Variants in COL14A1 observed in about 807,000 individuals in gnomAD.
COL14A1 encodes the protein collagen type XIV alpha 1 chain.
Under a neutral mutation model 230.3 loss-of-function variants are expected in COL14A1, and 136 were observed. The observed-to-expected ratio is 0.59, with a 90% CI of 0.51 to 0.68. The LOEUF (loss-of-function observed/expected upper bound fraction) is 0.68, where lower values mean the gene tolerates loss of function less well. Ranked by LOEUF, COL14A1 falls within the 30% of genes least tolerant of loss-of-function variation. COL14A1 has a pLI of 0.00. For synonymous variants in COL14A1, 792 were observed against 784.1 expected (o/e 1.01, Z -0.17); for missense variants, 1,976 against 2,215.8 (o/e 0.89, Z 2.17).
intron 8 of COL14A1, 141 bp from the exon 9 acceptor site, chr8:120,203,568 T>A (rs1177600018): frequency 1.7e-5 from 9 of 533,826 alleles, no homozygotes; most frequent in Non-Finnish European, 2.4e-5. Context: ...TTAAATAAAA[T>A]TTTAAATATA....
At position 120,289,723 on chromosome 8, in the gene COL14A1, G is replaced by A. The variant is rs1256418332; in HGVS notation, c.4193G>A (p.Gly1398Glu). 1 of 1,613,952 alleles carries A rather than the reference G, an allele frequency of 6.2e-7. No individual in the cohort carries two copies. The highest frequency in any genetic ancestry group is 1.7e-5 in the Admixed American group (1 of 59,964). The change falls in exon 34 of 48, where the codon GGG becomes GAG. Residue 1398 changes from glycine to glutamate, a missense_variant. By Grantham distance (98) the Gly-to-Glu change is moderately conservative. Around this residue, in one of 3 missense-constraint regions of COL14A1, gnomAD observed 1,791 missense variants for 2,019.5 expected, o/e 0.89. Coordinates refer to ENST00000297848, the MANE Select transcript of COL14A1 (RefSeq NM_021110.4). ...ACGTCAGATGGTGTAGAAGTGCTAG[G>A]GAAAATGGTTCGATCAAGAGGACCA... ...NITSDGVEVL[G>E]KMVRSRGPGG...
Position 120,310,068 on chromosome 8 carries a change from G to A in COL14A1, c.4455+6G>A, listed in dbSNP as rs752738801. The A allele has an allele frequency of 6.8e-5, 109 of 1,612,774 alleles. No homozygotes were observed. Among genetic ancestry groups the A allele is most frequent in the Non-Finnish European group, 9.1e-5 (107 of 1,179,156 alleles). ...AAGGTGAACCGGGTCCAAAGGTAAT[G>A]CGCATGTTTTCTCTCTCTCTCTGTC... On this transcript the variant is annotated splice_donor_region_variant and intron_variant, in intron 37 of 47. Transcript: ENST00000297848.
At position 120,206,927 on chromosome 8, in the gene COL14A1, TG is replaced by T. The variant is rs560044475; in HGVS notation, c.1040-15del. 878 of 1,590,500 alleles carry T rather than the reference TG, an allele frequency of 5.5e-4. 7 individuals carry two copies. The African/African-American group carries it at 9.9e-3, about 18-fold the overall frequency. On this transcript the variant is annotated splice_polypyrimidine_tract_variant and intron_variant, in intron 9 of 47. Coordinates refer to ENST00000297848, the MANE Select transcript of COL14A1 (RefSeq NM_021110.4). Reference sequence around the variant, plus strand: ...CTTTGGGTAAGAGGTTTATTTGATATGTTTTTTTAATTTAGCCTCAGCCCAT... The same window carrying T: ...CTTTGGGTAAGAGGTTTATTTGATATTTTTTTTAATTTAGCCTCAGCCCAT...
intron 46 of COL14A1, among the ~76,000 whole-genome samples, chr8:120,368,067 A>G (rs1326204586): frequency 6.6e-6 from 1 of 152,136 alleles, no homozygotes; most frequent in Admixed American, 6.5e-5. Context: ...GCAGACACAA[A>G]ATTTAGAGAA....
At chr8:120,152,074 T>C (rs1486420625) in intron 2 of COL14A1, among the ~76,000 whole-genome samples, 1 of 152,154 alleles carries the variant, frequency 6.6e-6, no homozygotes, top group Admixed American at 6.5e-5. Context: ...GATTTCAAAC[T>C]TCTGACCCCT....
intron 45 of COL14A1, among the ~76,000 whole-genome samples, chr8:120,363,096 A>G (rs1823281386): frequency 6.6e-6 from 1 of 152,144 alleles, no homozygotes; most frequent in Admixed American, 6.5e-5. Context: ...AGCCTAAGGA[A>G]TTTTGTCTGT....
intron 28 of COL14A1, 114 bp downstream of exon 28, chr8:120,278,692 T>C (rs1272176850): frequency 1.0e-5 from 11 of 1,063,972 alleles, no homozygotes; most frequent in Non-Finnish European, 1.4e-5. Flanking sequence ...TATTTCTTCA[T>C]ATTAACTAGA....
At chr8:120,238,369 T>C (rs575178669) in intron 19 of COL14A1, among the ~76,000 whole-genome samples, 42 of 152,168 alleles carry the variant, frequency 2.8e-4, no homozygotes, top group Non-Finnish European at 5.1e-4. Flanking sequence ...CGGTAGGCTC[T>C]GCCCAGTCCA....
intron 45 of COL14A1, among the ~76,000 whole-genome samples, chr8:120,350,022 A>T (rs975600111): frequency 2.1e-5 from 3 of 141,444 alleles, no homozygotes; most frequent in Non-Finnish European, 4.6e-5. Flanking sequence ...AGCCCATCAG[A>T]CTAACAGCGG....
intron 31 of COL14A1, among the ~76,000 whole-genome samples, chr8:120,282,284 T>C (rs1209830302): frequency 6.6e-6 from 1 of 152,242 alleles, no homozygotes; most frequent in Non-Finnish European, 1.5e-5. Context: ...GCAAATTAGA[T>C]GGTGTCTGTC....
rs79860445 is a variant in COL14A1, at chr8:120,368,770, G to A, written c.5156-560G>A. The stretch of plus-strand genomic sequence containing the variant: ...CAAACTTGTCATTGGTCCCCTCCAG[G>A]ACAATTTCACACTCATACAAATTTA... On this transcript the variant is annotated intron_variant, in intron 46 of 47. Coordinates refer to ENST00000297848, the MANE Select transcript of COL14A1 (RefSeq NM_021110.4). Among the ~76,000 whole-genome samples the A allele has an allele frequency of 2.7e-3, 411 of 152,156 alleles. 2 individuals carry two copies. Among genetic ancestry groups the A allele is most frequent in the African/African-American group, 9.5e-3 (393 of 41,508 alleles).
intron 2 of COL14A1, among the ~76,000 whole-genome samples, chr8:120,152,073 CT>C (rs1185388752): frequency 6.6e-6 from 1 of 152,154 alleles, no homozygotes; most frequent in Non-Finnish European, 1.5e-5. Flanking sequence ...TGATTTCAAA[CT>C]TCTGACCCCT....
intron 39 of COL14A1, 55 bp downstream of exon 39, chr8:120,315,641 G>A (rs1586856869): frequency 7.0e-7 from 1 of 1,422,562 alleles, no homozygotes; most frequent in Admixed American, 1.9e-5. Context: ...TTGCCAAGGG[G>A]GAAAAAAAAG....
chr8:120,268,001 T>C (rs1225807050), intron 25 of COL14A1, among the ~76,000 whole-genome samples: 1 of 151,752 alleles, frequency 6.6e-6, no homozygotes, highest in Admixed American at 6.6e-5. Context: ...AAAAATAAGT[T>C]GTTGAGAGCT....
chr8:120,312,824 A>G (rs1000562145), intron 37 of COL14A1, among the ~76,000 whole-genome samples: 5 of 152,146 alleles, frequency 3.3e-5, no homozygotes, highest in African/African-American at 4.8e-5. Context: ...TCTTTGTCCC[A>G]TGTAACGTGT....
chr8:120,206,559 G>A (rs890224383), intron 9 of COL14A1, among the ~76,000 whole-genome samples: 13 of 152,208 alleles, frequency 8.5e-5, no homozygotes, highest in Non-Finnish European at 1.5e-4. Context: ...ATGTTGGCCA[G>A]GCTAGTCTTG....
At chr8:120,255,850 C>T (rs915662192) in intron 23 of COL14A1, among the ~76,000 whole-genome samples, 2 of 151,710 alleles carry the variant, frequency 1.3e-5, no homozygotes, top group African/African-American at 2.4e-5. Context: ...AATGTATCTA[C>T]AGCATCATGA....
chr8:120,342,724 A>T (rs1394930998), intron 44 of COL14A1, among the ~76,000 whole-genome samples: 1 of 152,168 alleles, frequency 6.6e-6, no homozygotes, highest in East Asian at 1.9e-4. Flanking sequence ...CCCAGATCAG[A>T]TCTTCTATTC....
At chr8:120,153,382 G>T (rs1371603859) in intron 2 of COL14A1, among the ~76,000 whole-genome samples, 1 of 151,986 alleles carries the variant, frequency 6.6e-6, no homozygotes, top group Admixed American at 6.6e-5. Flanking sequence ...ATGGTGTTTT[G>T]CCATGTTGCC....
Sources: allele counts gnomAD v4.1 joint callset (sites outside exome capture counted in the v4.1 genomes callset), GRCh38; gene constraint gnomAD v4.1.1; regional missense constraint gnomAD v4.1.1; transcripts MANE v1.5; gene names NCBI Gene and HGNC (gene_info 2026-07-23, HGNC 2026-07-21).